The following KIAA0825 variants were observed in gnomAD, a reference collection of about 807,000 sequenced individuals.
KIAA0825 encodes the protein uncharacterized protein KIAA0825.
A neutral mutation model predicts 147.6 loss-of-function variants in KIAA0825; 119 were observed. The ratio of observed to expected loss-of-function variants is 0.81; its 90% CI spans 0.69 to 0.94. The LOEUF (loss-of-function observed/expected upper bound fraction) is 0.94. Ranked by LOEUF, KIAA0825 falls within the 40% of genes least tolerant of loss-of-function variation. The pLI, the probability that KIAA0825 is intolerant of heterozygous loss-of-function variation, is 0.00. For missense variants in KIAA0825, 1,381 were observed against 1,472.7 expected (o/e 0.94, Z 1.02); for synonymous variants, 470 against 518.1 (o/e 0.91, Z 1.26).
chr5:94,484,668 C>A (rs1232666986), intron 6 of KIAA0825, 101 bp downstream of exon 6: 4 of 727,352 alleles, frequency 5.5e-6, no homozygotes, highest in Non-Finnish European at 8.4e-6. Context: ...AGAATTCTTT[C>A]ATGTGTGTTT....
chr5:94,433,229 G>A (rs55652444), intron 14 of KIAA0825, among the ~76,000 whole-genome samples: 17,349 of 151,930 alleles, frequency 0.11, 1,176 homozygotes, highest in East Asian at 0.27. Context: ...GGGTTTCACC[G>A]TGTTAGCCAG....
At chr5:94,203,102 G>A (rs1233955706) in intron 20 of KIAA0825, among the ~76,000 whole-genome samples, 2 of 152,162 alleles carry the variant, frequency 1.3e-5, no homozygotes, top group African/African-American at 4.8e-5. Flanking sequence ...CAGAAACTTA[G>A]AGAAATAAAG....
intron 5 of KIAA0825, among the ~76,000 whole-genome samples, chr5:94,497,451 G>C (rs1393492819): frequency 6.6e-6 from 1 of 152,060 alleles, no homozygotes; most frequent in African/African-American, 2.4e-5. Flanking sequence ...AATTATATTA[G>C]AGAATTAGCA....
intron 15 of KIAA0825, chr5:94,416,955 A>T: frequency 3.0e-6 from 1 of 337,112 alleles, no homozygotes; most frequent in East Asian, 4.8e-5. Context: ...ACATTCCCTA[A>T]TTAATAAAAA....
chr5:94,403,482 T>C lies in KIAA0825; in HGVS notation c.2887+87A>G, dbSNP rs897156259. Reference sequence around the variant, plus strand: ...GAAGATTAATATAGTTCATCATTCTTATAAATTTTAGAATTTTACTTGATT... The same window carrying C: ...GAAGATTAATATAGTTCATCATTCTCATAAATTTTAGAATTTTACTTGATT... On this transcript the variant is annotated intron_variant, in intron 16 of 20. Transcript: ENST00000682413. 7 of 941,638 alleles carry C rather than the reference T, an allele frequency of 7.4e-6. No individual in the cohort carries two copies. The Admixed American group carries it at 1.4e-4, about 19-fold the overall frequency. 58.3% of individuals were successfully genotyped at this position (941,638 alleles called of 1,614,324 possible). A position where few individuals can be genotyped will look rare whatever the true frequency, so the allele number is the denominator to read the frequency against.
chr5:94,416,379 T>C (rs1753467738), intron 15 of KIAA0825: 1 of 152,164 alleles, frequency 6.6e-6, no homozygotes, highest in Non-Finnish European at 1.5e-5. Context: ...ATCTTTTATA[T>C]GGAGCCTAGG....
At chr5:94,528,045 C>A (rs772924403) in intron 3 of KIAA0825, among the ~76,000 whole-genome samples, 1 of 152,040 alleles carries the variant, frequency 6.6e-6, no homozygotes, top group Non-Finnish European at 1.5e-5. Flanking sequence ...CCTAACACAA[C>A]TACTTCAATG....
rs945232742 is a variant in KIAA0825, at chr5:94,576,424, G to C, written c.-2+6009C>G. ...ATGAATTATGGATTACTAGATTAAT[G>C]AGTTAATAGATTAATGGGAGTGGGA... On this transcript the variant is annotated intron_variant, in intron 2 of 20. Transcript: ENST00000682413. Among the ~76,000 whole-genome samples, 4 of 152,080 alleles carry C rather than the reference G, an allele frequency of 2.6e-5. No individual in the cohort carries two copies. In the South Asian group the frequency reaches 6.2e-4, roughly 24 times the overall value.
At chr5:94,256,275 A>G (rs1256238559) in intron 20 of KIAA0825, among the ~76,000 whole-genome samples, 1 of 152,124 alleles carries the variant, frequency 6.6e-6, no homozygotes, top group African/African-American at 2.4e-5. Context: ...TAATGCAGTC[A>G]TCTCTTTCCT....
At position 94,417,286 on chromosome 5, in the gene KIAA0825, G is replaced by T; in HGVS notation, c.2577C>A (p.Cys859Ter). The change falls in exon 15 of 21, where the codon TGC becomes TGA. Residue 859 changes from cysteine to a stop codon, truncating the protein, a stop_gained. Coordinates refer to ENST00000682413, the MANE Select transcript of KIAA0825 (RefSeq NM_001145678.3). LOFTEE classifies it high-confidence loss of function. ...TTGCAAATGTTTGTGGAGAAAAACTGCAATGGTACAATATTTTAAAGATGG... is the reference window on the plus strand; with the variant it reads ...TTGCAAATGTTTGTGGAGAAAAACTTCAATGGTACAATATTTTAAAGATGG... Reference protein sequence around the residue: ...MEAIFKILYHCSFSPQTFANV... With the variant: ...MEAIFKILYH The T allele has an allele frequency of 1.3e-6, 2 of 1,550,954 alleles. No homozygotes were observed. The highest frequency in any genetic ancestry group is 1.7e-6 in the Non-Finnish European group (2 of 1,146,484).
chr5:94,430,984 T>C (rs1249760719), intron 14 of KIAA0825, among the ~76,000 whole-genome samples: 1 of 152,182 alleles, frequency 6.6e-6, no homozygotes, highest in African/African-American at 2.4e-5. Flanking sequence ...GGCACAAAGA[T>C]GTCCAAAAAT....
chr5:94,430,243 G>A (rs1755485811), intron 14 of KIAA0825, among the ~76,000 whole-genome samples: 1 of 152,178 alleles, frequency 6.6e-6, no homozygotes, highest in Non-Finnish European at 1.5e-5. Context: ...AAGGCAATTT[G>A]GCACGGCATG....
At chr5:94,356,883 C>A (rs936188604) in intron 20 of KIAA0825, among the ~76,000 whole-genome samples, 1 of 151,666 alleles carries the variant, frequency 6.6e-6, no homozygotes. Flanking sequence ...CACCACCACA[C>A]CCAGCTAATT....
chr5:94,310,421 C>A (rs538071411), intron 20 of KIAA0825, among the ~76,000 whole-genome samples: 1 of 151,626 alleles, frequency 6.6e-6, no homozygotes, highest in African/African-American at 2.4e-5. Flanking sequence ...GAGATATTTA[C>A]AAAACCAGAG....
At chr5:94,269,929 C>A (rs964065256) in intron 20 of KIAA0825, among the ~76,000 whole-genome samples, 1 of 151,702 alleles carries the variant, frequency 6.6e-6, no homozygotes, top group Non-Finnish European at 1.5e-5. Flanking sequence ...AAAAAGAAGA[C>A]CCAAATAAAT....
At position 94,437,132 on chromosome 5, in the gene KIAA0825, C is replaced by T. The variant is rs146633186; in HGVS notation, c.2497+2850G>A. 3.0e-3 allele frequency among the ~76,000 whole-genome samples: 451 copies of T among 152,126 alleles called. 1 individual carries two copies. Among genetic ancestry groups the T allele is most frequent in the African/African-American group, 0.01 (429 of 41,518 alleles). On this transcript the variant is annotated intron_variant, in intron 14 of 20. Coordinates refer to ENST00000682413, the MANE Select transcript of KIAA0825 (RefSeq NM_001145678.3). Reference sequence around the variant, plus strand: ...CTTTGCTAATATTTCCTAATATAATCAAGCTTCTAAATTACAAAATGGTAC... The same window carrying T: ...CTTTGCTAATATTTCCTAATATAATTAAGCTTCTAAATTACAAAATGGTAC...
At chr5:94,446,475 C>G (rs1757738762) in intron 13 of KIAA0825, among the ~76,000 whole-genome samples, 1 of 152,032 alleles carries the variant, frequency 6.6e-6, no homozygotes, top group Non-Finnish European at 1.5e-5. Context: ...CACATTTGAG[C>G]TGAGAGATGA....
chr5:94,315,751 T>C (rs1488819674), intron 20 of KIAA0825, among the ~76,000 whole-genome samples: 2 of 151,728 alleles, frequency 1.3e-5, no homozygotes, highest in East Asian at 3.9e-4. Flanking sequence ...ACAATGAAAA[T>C]TACTGTACAG....
intron 15 of KIAA0825, chr5:94,415,466 A>T (rs1425099810): frequency 6.6e-6 from 1 of 152,124 alleles, no homozygotes; most frequent in African/African-American, 2.4e-5. Context: ...GTATTATCTT[A>T]TTAGGGTTTT....
Sources: allele counts gnomAD v4.1 joint callset (sites outside exome capture counted in the v4.1 genomes callset), GRCh38; gene constraint gnomAD v4.1.1; transcripts MANE v1.5; gene names NCBI Gene and HGNC (gene_info 2026-07-23, HGNC 2026-07-21).